The following TYW1 variants were observed in gnomAD, a reference collection of about 807,000 sequenced individuals.
TYW1 encodes the protein S-adenosyl-L-methionine-dependent tRNA 4-demethylwyosine synthase TYW1.
A neutral mutation model predicts 96.2 loss-of-function variants in TYW1; 46 were observed. The ratio of observed to expected loss-of-function variants is 0.48; its 90% CI spans 0.38 to 0.61. TYW1 has a LOEUF of 0.61. Ranked by LOEUF, TYW1 falls within the 20% of genes least tolerant of loss-of-function variation. The probability of loss-of-function intolerance (pLI) is 0.00; values close to 1 mark genes in which losing one functional copy is unlikely to be tolerated. For synonymous variants in TYW1, 274 were observed against 323.0 expected (o/e 0.85, Z 1.63); for missense variants, 684 against 909.6 (o/e 0.75, Z 3.19).
chr7:67,180,424 A>ATATT (rs1341437613), intron 13 of TYW1, among the ~76,000 whole-genome samples: 26 of 81,926 alleles, frequency 3.2e-4, no homozygotes, highest in Non-Finnish European at 6.2e-4. Context: ...ATATATATAT[A>ATATT]ATTTTTTTTT....
intron 5 of TYW1, among the ~76,000 whole-genome samples, chr7:67,016,213 GGT>G (rs1419701600): frequency 7.6e-6 from 1 of 131,280 alleles, no homozygotes; most frequent in Non-Finnish European, 1.6e-5. Context: ...GTCTGTCTCT[GGT>G]GGAGTGTGAG....
intron 9 of TYW1, among the ~76,000 whole-genome samples, chr7:67,063,849 A>G (rs1039558545): frequency 1.7e-4 from 23 of 138,970 alleles, no homozygotes; most frequent in Non-Finnish European, 3.0e-4. Flanking sequence ...TGATCCGCCC[A>G]CCTCAGCCTC....
At position 67,080,939 on chromosome 7, in the gene TYW1, TG is replaced by T. The variant is rs1387701333; in HGVS notation, c.1275-2490del. 3.4e-5 allele frequency among the ~76,000 whole-genome samples: 4 copies of T among 117,988 alleles called. No homozygotes were observed. The East Asian group carries it at 7.7e-4, about 23-fold the overall frequency. The allele number at this position is 117,988 out of a possible 152,430, so 77.4% of individuals were successfully genotyped here. A position where few individuals can be genotyped will look rare whatever the true frequency, so the allele number is the denominator to read the frequency against. ...TTGTATATTGTTTTTGCTTTCTTAC[TG>T]TTTTTTTTTTTTTTTTTTTTTTTTT... On this transcript the variant is annotated intron_variant, in intron 10 of 15. Transcript: ENST00000359626.
intron 6 of TYW1, among the ~76,000 whole-genome samples, chr7:67,018,682 C>T (rs574251306): frequency 6.6e-5 from 10 of 151,906 alleles, no homozygotes; most frequent in East Asian, 3.9e-4. Context: ...AGGCCGGGCA[C>T]GGTGGCTCAC....
chr7:67,062,635 C>T (rs1795732381), intron 9 of TYW1, among the ~76,000 whole-genome samples: 2 of 150,942 alleles, frequency 1.3e-5, no homozygotes, highest in African/African-American at 4.9e-5. Flanking sequence ...TATTACAGGT[C>T]CTGCAGCGAT....
At chr7:67,028,040 G>C (rs537846421) in intron 7 of TYW1, among the ~76,000 whole-genome samples, 13 of 151,252 alleles carry the variant, frequency 8.6e-5, no homozygotes, top group Non-Finnish European at 1.6e-4. Context: ...CTTGAGACCA[G>C]CCTGGCCAAC....
rs577831897 is a variant in TYW1, at chr7:67,185,698, T to A, written c.1809+2462T>A. ...ATATCCAAGTAGAAGTTTAAATAGA[T>A]CATAGGTTTTATAAGCTCGAAGTTT... is the stretch of plus-strand genomic sequence containing the variant. On this transcript the variant is annotated intron_variant, in intron 14 of 15. Transcript: ENST00000359626. 6.6e-5 allele frequency among the ~76,000 whole-genome samples: 10 copies of A among 152,106 alleles called. No homozygotes were observed. The East Asian group carries it at 1.4e-3, about 21-fold the overall frequency.
rs1403285444 is a variant in TYW1 at position 67,029,394 on chromosome 7, T to C, written c.984+4372T>C. Among the ~76,000 whole-genome samples the C allele has an allele frequency of 6.1e-4, 70 of 114,664 alleles. 2 individuals carry two copies. Among genetic ancestry groups the C allele is most frequent in the South Asian group, 8.3e-4 (3 of 3,630 alleles). The allele number at this position is 114,664 out of a possible 152,430, so 75.2% of individuals were successfully genotyped here. On this transcript the variant is annotated intron_variant, in intron 7 of 15. Coordinates refer to ENST00000359626, the MANE Select transcript of TYW1 (RefSeq NM_018264.4). ...ATATGTGTGTGTGCGTGTGTGTGTG[T>C]GTGTGTGTGTGTGTGTGTGTGTATA...
intron 14 of TYW1, among the ~76,000 whole-genome samples, chr7:67,190,236 A>G (rs893235161): frequency 1.3e-5 from 2 of 152,246 alleles, no homozygotes; most frequent in Non-Finnish European, 2.9e-5. Flanking sequence ...GTCCCTAGCC[A>G]GCGTTTATCA....
rs1793652330 is a variant in TYW1 at position 67,007,739 on chromosome 7, GT to G, written c.274-1842del. On this transcript the variant is annotated intron_variant, in intron 3 of 15. Coordinates refer to ENST00000359626, the MANE Select transcript of TYW1 (RefSeq NM_018264.4). Reference sequence around the variant, plus strand: ...AACCTCTGCCTCCTGGATTCAAGCAGTTCTCCTCCCTCAGCCTCCCAAGTAG... The same window carrying G: ...AACCTCTGCCTCCTGGATTCAAGCAGTCTCCTCCCTCAGCCTCCCAAGTAG... Among the ~76,000 whole-genome samples, 4 of 151,944 alleles carry G rather than the reference GT, an allele frequency of 2.6e-5. No homozygotes were observed. The South Asian group carries it at 8.3e-4, about 32-fold the overall frequency.
rs186779840 is a variant in TYW1 at position 67,208,579 on chromosome 7, A to G, written c.1977+13242A>G. On this transcript the variant is annotated intron_variant, in intron 15 of 15. Transcript: ENST00000359626. ...GTGGCGCGTGCCTGTAGTCCCAGCT[A>G]TTCAGGAGGCTGAGGCAGGAGAATC... Among the ~76,000 whole-genome samples, 999 of 150,390 alleles carry G rather than the reference A, an allele frequency of 6.6e-3. 8 individuals carry two copies. Among genetic ancestry groups the G allele is most frequent in the African/African-American group, 0.023 (945 of 41,074 alleles).
intron 10 of TYW1, among the ~76,000 whole-genome samples, chr7:67,078,415 G>A (rs191311717): frequency 1.4e-4 from 21 of 152,108 alleles, no homozygotes; most frequent in Admixed American, 5.9e-4. Flanking sequence ...TTGAAGTCAT[G>A]TACTGTAATA....
chr7:67,097,032 G>A lies in TYW1; in HGVS notation c.1385-1509G>A, dbSNP rs564869544. 2.0e-4 allele frequency among the ~76,000 whole-genome samples: 30 copies of A among 152,040 alleles called. No homozygotes were observed. The East Asian group carries it at 5.8e-3, about 29-fold the overall frequency. ...GTTTGGGATATGGCCTGGACATTGG[G>A]ATTCTTAAATGTTTTTTGGGTAATC... On this transcript the variant is annotated intron_variant, in intron 11 of 15. Coordinates refer to ENST00000359626, the MANE Select transcript of TYW1 (RefSeq NM_018264.4).
intron 2 of TYW1, among the ~76,000 whole-genome samples, chr7:66,998,493 T>C (rs1370992957): frequency 1.3e-5 from 2 of 152,160 alleles, no homozygotes; most frequent in African/African-American, 4.8e-5. Flanking sequence ...TCAGTAGTCC[T>C]CTCTTTCCAT....
intron 13 of TYW1, among the ~76,000 whole-genome samples, chr7:67,162,122 CT>C (rs930259066): frequency 6.6e-6 from 1 of 151,980 alleles, no homozygotes; most frequent in South Asian, 2.1e-4. Flanking sequence ...CGGTGAAACC[CT>C]GTCTCTATTA....
At chr7:67,014,047 T>C (rs537477058) in intron 4 of TYW1, among the ~76,000 whole-genome samples, 1 of 152,234 alleles carries the variant, frequency 6.6e-6, no homozygotes, top group East Asian at 1.9e-4. Context: ...CCGGCCTGTA[T>C]TTTTTCTTGA....
At chr7:67,041,435 G>A (rs1428621362) in intron 7 of TYW1, among the ~76,000 whole-genome samples, 1 of 152,044 alleles carries the variant, frequency 6.6e-6, no homozygotes, top group Non-Finnish European at 1.5e-5. Context: ...CCAGTAGGTG[G>A]GATTATAGCA....
chr7:67,072,964 T>TTA (rs1562997498), intron 10 of TYW1, among the ~76,000 whole-genome samples: 2 of 93,426 alleles, frequency 2.1e-5, no homozygotes, highest in South Asian at 3.3e-4. Context: ...TTTTTTTTTT[T>TTA]ATAGAGACAG....
intron 15 of TYW1, among the ~76,000 whole-genome samples, chr7:67,196,038 C>T (rs2421398): frequency 0.29 from 43,865 of 151,750 alleles, 7,034 homozygotes; most frequent in African/African-American, 0.43. Context: ...GACGTCATTA[C>T]ATATTTTTTT....
Sources: allele counts gnomAD v4.1 joint callset (sites outside exome capture counted in the v4.1 genomes callset), GRCh38; gene constraint gnomAD v4.1.1; transcripts MANE v1.5; gene names NCBI Gene and HGNC (gene_info 2026-07-23, HGNC 2026-07-21).